The following KIF26B variants were observed in gnomAD, a reference collection of about 807,000 sequenced individuals.
KIF26B encodes the protein kinesin-like protein KIF26B.
In KIF26B, 63 loss-of-function variants were observed where a neutral mutation model predicts 151.2. That is an observed-to-expected ratio of 0.42 (90% CI 0.34 to 0.51). The LOEUF is 0.51. Ranked by LOEUF, KIF26B falls within the 20% of genes least tolerant of loss-of-function variation. The pLI is 0.07. For missense variants in KIF26B, 2,813 were observed against 2,913.6 expected (o/e 0.97, Z 0.79); for synonymous variants, 1,357 against 1,262.1 (o/e 1.08, Z -1.59).
At chr1:245,668,728 T>C (rs1405988389) in intron 10 of KIF26B, among the ~76,000 whole-genome samples, 1 of 152,148 alleles carries the variant, frequency 6.6e-6, no homozygotes, top group Non-Finnish European at 1.5e-5. Context: ...TCTTGCTCTG[T>C]CACCAGGCTG....
intron 4 of KIF26B, among the ~76,000 whole-genome samples, chr1:245,518,408 G>T (rs757027845): frequency 2.0e-5 from 3 of 152,086 alleles, no homozygotes; most frequent in Non-Finnish European, 2.9e-5. Context: ...TCTTGAGCTG[G>T]TATTAGTATA....
At chr1:245,415,028 C>T (rs996981976) in intron 3 of KIF26B, among the ~76,000 whole-genome samples, 6 of 152,172 alleles carry the variant, frequency 3.9e-5, no homozygotes, top group Non-Finnish European at 8.8e-5. Context: ...CCTCTCCTCG[C>T]CTCTGTTTTC....
chr1:245,230,174 C>T (rs1305184615), intron 2 of KIF26B, among the ~76,000 whole-genome samples: 1 of 149,176 alleles, frequency 6.7e-6, no homozygotes, highest in East Asian at 2.0e-4. Context: ...AAAACAACAA[C>T]ACTCAGAACC....
chr1:245,306,149 A>ATTT (rs1671536141), intron 2 of KIF26B, among the ~76,000 whole-genome samples: 1 of 152,126 alleles, frequency 6.6e-6, no homozygotes, highest in African/African-American at 2.4e-5. Context: ...AACAACCCAA[A>ATTT]TGTCTATCAA....
chr1:245,631,996 C>A (rs1427543413), intron 9 of KIF26B, among the ~76,000 whole-genome samples: 1 of 151,750 alleles, frequency 6.6e-6, no homozygotes, highest in Non-Finnish European at 1.5e-5. Flanking sequence ...AAAAATCAAG[C>A]TTTTATTTTC....
intron 2 of KIF26B, among the ~76,000 whole-genome samples, chr1:245,237,064 ATCGTGGTG>A (rs1400439686): frequency 6.6e-6 from 1 of 152,218 alleles, no homozygotes; most frequent in Admixed American, 6.5e-5. Context: ...TGCAATGAAG[ATCGTGGTG>A]TCTTCAGCAG....
chr1:245,238,793 C>T (rs748235338), intron 2 of KIF26B, among the ~76,000 whole-genome samples: 1 of 151,992 alleles, frequency 6.6e-6, no homozygotes, highest in Non-Finnish European at 1.5e-5. Context: ...ACCTGGGAGG[C>T]GGAGGTTGCA....
rs564555727 is a variant in KIF26B, at chr1:245,369,743, C to T, written c.999+2376C>T. On this transcript the variant is annotated intron_variant, in intron 3 of 14. Transcript: ENST00000407071. ...TTTCTTCCAACTTTCCTAGGCTACC[C>T]CAAAGTAAGCTGCCGACATCTTTTC... is the stretch of plus-strand genomic sequence containing the variant. Among the ~76,000 whole-genome samples, 3 of 152,326 alleles carry T rather than the reference C, an allele frequency of 2.0e-5. No homozygotes were observed. The South Asian group carries it at 6.2e-4, about 32-fold the overall frequency.
At chr1:245,307,776 T>C (rs1197347381) in intron 2 of KIF26B, among the ~76,000 whole-genome samples, 1 of 150,964 alleles carries the variant, frequency 6.6e-6, no homozygotes, top group Non-Finnish European at 1.5e-5. Flanking sequence ...AGTCTCGCTC[T>C]GTCGCCCAGG....
chr1:245,295,303 T>C (rs1027102174), intron 2 of KIF26B, among the ~76,000 whole-genome samples: 5 of 152,228 alleles, frequency 3.3e-5, no homozygotes, highest in South Asian at 4.1e-4. Flanking sequence ...AGTTTTTTAA[T>C]TGATTTTTCA....
chr1:245,407,237 G>T (rs1674156513), intron 3 of KIF26B, among the ~76,000 whole-genome samples: 2 of 152,152 alleles, frequency 1.3e-5, no homozygotes, highest in South Asian at 4.2e-4. Context: ...AAGAACCGGG[G>T]CAGGGTGGGG....
At position 245,241,731 on chromosome 1, in the gene KIF26B, C is replaced by T. The variant is rs1319171382; in HGVS notation, c.465+85048C>T. Among the ~76,000 whole-genome samples, 1 of 152,220 alleles carries T rather than the reference C, an allele frequency of 6.6e-6. No homozygotes were observed. Among genetic ancestry groups the T allele is most frequent in the African/African-American group, 2.4e-5 (1 of 41,456 alleles). ...GGCCCATGGCAGCCCCAGCTGGCTG[C>T]CCGCTCCCTCCTGTGGGCAGTGCTT... On this transcript the variant is annotated intron_variant, in intron 2 of 14. Transcript: ENST00000407071. This position sits in a 1 kb window ranked among gnomAD's most constrained non-coding sequence, Gnocchi z 5.0.
chr1:245,418,102 C>T (rs1261081014), intron 3 of KIF26B, among the ~76,000 whole-genome samples: 3 of 152,192 alleles, frequency 2.0e-5, no homozygotes, highest in Non-Finnish European at 4.4e-5. Flanking sequence ...CGGTGTGCAT[C>T]GCCACATCCT....
intron 2 of KIF26B, among the ~76,000 whole-genome samples, chr1:245,310,052 TTATAA>T (rs988589844): frequency 6.7e-4 from 99 of 147,528 alleles, no homozygotes; most frequent in African/African-American, 2.3e-3. Flanking sequence ...AGTTGTAACA[TTATAA>T]TATATATTAT....
chr1:245,465,225 G>T (rs533734264), intron 4 of KIF26B, among the ~76,000 whole-genome samples: 1 of 152,120 alleles, frequency 6.6e-6, no homozygotes, highest in Non-Finnish European at 1.5e-5. Context: ...TGATCCGCCC[G>T]CCTCGGCCTC....
intron 2 of KIF26B, among the ~76,000 whole-genome samples, chr1:245,278,251 G>A (rs371623955): frequency 2.6e-5 from 4 of 152,064 alleles, no homozygotes; most frequent in East Asian, 3.9e-4. Context: ...TGTCATCAGC[G>A]TCCTCTTTCT....
chr1:245,401,499 A>T (rs1673999767), intron 3 of KIF26B, among the ~76,000 whole-genome samples: 1 of 152,256 alleles, frequency 6.6e-6, no homozygotes, highest in African/African-American at 2.4e-5. Flanking sequence ...AATTTTTATG[A>T]TAATGGCAAA....
At position 245,611,852 on chromosome 1, in the gene KIF26B, T is replaced by C. The variant is rs1298212230; in HGVS notation, c.1974T>C (p.Asp658=). ...CAGAGAAGGCTGCCTTTTTCCTGGATGCCGCCATTGCCTCCCGCAGGAGCC... is the reference window on the plus strand; with the variant it reads ...CAGAGAAGGCTGCCTTTTTCCTGGACGCCGCCATTGCCTCCCGCAGGAGCC... The part of the protein sequence containing the change: ...PTAEKAAFFL[D]AAIASRRSHQ... The change falls in exon 9 of 15, where the codon GAT becomes GAC. Residue 658 remains aspartate (D), a synonymous_variant. Coordinates refer to ENST00000407071, the MANE Select transcript of KIF26B (RefSeq NM_018012.4). 6.2e-7 allele frequency: 1 copy of C among 1,613,704 alleles called. No individual in the cohort carries two copies. The highest frequency in any genetic ancestry group is 1.3e-5 in the African/African-American group (1 of 74,894).
intron 4 of KIF26B, among the ~76,000 whole-genome samples, chr1:245,508,012 C>T (rs1660758964): frequency 6.6e-6 from 1 of 152,088 alleles, no homozygotes; most frequent in South Asian, 2.1e-4. Flanking sequence ...GGTTCCAGAT[C>T]TCGTTCAGGA....
Sources: gnomAD v4.1 joint callset for allele counts (sites outside exome capture counted in the v4.1 genomes callset) on GRCh38, gnomAD v4.1.1 for gene constraint, Gnocchi (gnomAD v3.1) non-coding constraint, MANE v1.5 for transcripts, NCBI Gene and HGNC (gene_info 2026-07-23, HGNC 2026-07-21) for gene names.